Variants in SPATA17 observed in about 807,000 individuals in gnomAD.
SPATA17 encodes spermatogenesis associated 17, also known as spermatogenesis-associated protein 17.
In SPATA17, 53 loss-of-function variants were observed where a neutral mutation model predicts 62.2. The ratio of observed to expected loss-of-function variants is 0.85; its 90% CI spans 0.68 to 1.07. The LOEUF is 1.07. Ranked by LOEUF, SPATA17 falls within the 50% of genes least tolerant of loss-of-function variation. SPATA17 has a pLI of 0.00. For missense variants in SPATA17, 466 were observed against 425.5 expected (o/e 1.10, Z -0.84); for synonymous variants, 146 against 146.8 (o/e 0.99, Z 0.04).
chr1:217,700,760 T>G (rs1036262058), intron 5 of SPATA17, among the ~76,000 whole-genome samples: 2 of 87,484 alleles, frequency 2.3e-5, no homozygotes, highest in African/African-American at 8.9e-5. Flanking sequence ...TTTTTTCTTT[T>G]TCTTTTTTTT....
At chr1:217,723,025 G>A (rs1052820633) in intron 5 of SPATA17, among the ~76,000 whole-genome samples, 18 of 152,208 alleles carry the variant, frequency 1.2e-4, no homozygotes, top group African/African-American at 3.9e-4. Flanking sequence ...TCTGGAGTAG[G>A]GAGGCCCAGA....
At chr1:217,634,871 T>C (rs1265471714) in intron 1 of SPATA17, among the ~76,000 whole-genome samples, 1 of 151,542 alleles carries the variant, frequency 6.6e-6, no homozygotes, top group African/African-American at 2.4e-5. Context: ...GGCAGTTCCA[T>C]TGTCACTTGA....
intron 6 of SPATA17, among the ~76,000 whole-genome samples, chr1:217,768,544 T>C (rs967378680): frequency 6.6e-6 from 1 of 151,602 alleles, no homozygotes; most frequent in Non-Finnish European, 1.5e-5. Flanking sequence ...TGGGCTGTAG[T>C]GCAATGGCGT....
chr1:217,709,598 G>A lies in SPATA17; in HGVS notation c.395+26237G>A, dbSNP rs139838082. Among the ~76,000 whole-genome samples, 4 of 152,212 alleles carry A rather than the reference G, an allele frequency of 2.6e-5. No homozygotes were observed. In the East Asian group the frequency reaches 5.8e-4, roughly 22 times the overall value. On this transcript the variant is annotated intron_variant, in intron 5 of 10. Coordinates refer to ENST00000366933, the MANE Select transcript of SPATA17 (RefSeq NM_138796.4). ...CAAAAATCAGAAGTGACATCCCATC[G>A]CTTTTGCTATTCTGTTCATTTAAAG...
At chr1:217,668,531 T>C (rs751357542) in intron 3 of SPATA17, among the ~76,000 whole-genome samples, 1 of 152,170 alleles carries the variant, frequency 6.6e-6, no homozygotes, top group African/African-American at 2.4e-5. Flanking sequence ...ACATTTTGCA[T>C]AGATGGTTGG....
intron 5 of SPATA17, among the ~76,000 whole-genome samples, chr1:217,701,296 T>C (rs1040693269): frequency 2.6e-5 from 4 of 151,666 alleles, no homozygotes; most frequent in African/African-American, 9.7e-5. Context: ...GATATGTGTG[T>C]GTATATGTGT....
intron 6 of SPATA17, among the ~76,000 whole-genome samples, chr1:217,746,307 T>A (rs1222043920): frequency 6.6e-6 from 1 of 151,976 alleles, no homozygotes; most frequent in Non-Finnish European, 1.5e-5. Flanking sequence ...TTAAAAGGAA[T>A]AAATCTAATA....
chr1:217,813,757 A>G (rs1674650307), intron 9 of SPATA17, among the ~76,000 whole-genome samples: 1 of 152,056 alleles, frequency 6.6e-6, no homozygotes, highest in South Asian at 2.1e-4. Flanking sequence ...AGGCTTCAGG[A>G]AAAGTATAAA....
intron 1 of SPATA17, among the ~76,000 whole-genome samples, chr1:217,635,536 G>A (rs908363891): frequency 9.2e-5 from 14 of 151,638 alleles, no homozygotes; most frequent in East Asian, 3.9e-4. Context: ...AAACCCTGTC[G>A]CTACTAAAAA....
At chr1:217,633,977 C>T (rs1669881364) in intron 1 of SPATA17, among the ~76,000 whole-genome samples, 1 of 152,144 alleles carries the variant, frequency 6.6e-6, no homozygotes, top group South Asian at 2.1e-4. Flanking sequence ...GCAGCAAATA[C>T]AGGAGGAGAT....
At chr1:217,685,365 TATTTCCAGTA>T (rs1315882141) in intron 5 of SPATA17, among the ~76,000 whole-genome samples, 1 of 152,212 alleles carries the variant, frequency 6.6e-6, no homozygotes, top group African/African-American at 2.4e-5. Flanking sequence ...ATTTGACAGA[TATTTCCAGTA>T]ATTCTTATTT....
At chr1:217,648,400 G>A (rs1571703421) in intron 1 of SPATA17, among the ~76,000 whole-genome samples, 1 of 152,192 alleles carries the variant, frequency 6.6e-6, no homozygotes, top group East Asian at 1.9e-4. Context: ...GACTTTCTGA[G>A]AATTCTAGCT....
At chr1:217,847,195 A>T (rs960198508) in intron 9 of SPATA17, among the ~76,000 whole-genome samples, 4 of 151,962 alleles carry the variant, frequency 2.6e-5, no homozygotes, top group African/African-American at 9.7e-5. Context: ...TAATATATTA[A>T]TATTAAGACT....
intron 6 of SPATA17, among the ~76,000 whole-genome samples, chr1:217,746,641 G>T (rs1249862787): frequency 2.0e-5 from 3 of 151,688 alleles, no homozygotes; most frequent in African/African-American, 7.2e-5. Context: ...TTTAAAGTCA[G>T]GTTTAAGCCT....
intron 10 of SPATA17, 39 bp downstream of exon 10, chr1:217,862,895 T>G (rs6658846): frequency 0.31 from 416,681 of 1,340,014 alleles, 67,746 homozygotes; most frequent in Admixed American, 0.41. Context: ...AAAAGTATAT[T>G]AAATAACACT....
intron 6 of SPATA17, among the ~76,000 whole-genome samples, chr1:217,760,676 A>G (rs1449093021): frequency 6.6e-6 from 1 of 152,240 alleles, no homozygotes; most frequent in Non-Finnish European, 1.5e-5. Context: ...AATAAAGTTT[A>G]ACAAATGCCC....
Position 217,800,247 on chromosome 1 carries a change from C to G in SPATA17, c.873-1471C>G, listed in dbSNP as rs561144735. On this transcript the variant is annotated intron_variant, in intron 8 of 10. Transcript: ENST00000366933. ...GCTTTTTGATAGATTTTATTATACT[C>G]TGATACAGCTTTTTAATCAAAACAT... Among the ~76,000 whole-genome samples the G allele has an allele frequency of 5.4e-5, 8 of 148,234 alleles. No homozygotes were observed. In the East Asian group the frequency reaches 1.7e-3, roughly 32 times the overall value.
At chr1:217,656,046 G>T (rs571087880) in intron 3 of SPATA17, among the ~76,000 whole-genome samples, 1 of 151,974 alleles carries the variant, frequency 6.6e-6, no homozygotes, top group Non-Finnish European at 1.5e-5. Flanking sequence ...CCCACGCCCG[G>T]CTAGTTTTTG....
rs79262464 is a variant in SPATA17, at chr1:217,777,308, A to C, written c.723+2771A>C. Among the ~76,000 whole-genome samples the C allele has an allele frequency of 4.1e-3, 623 of 152,314 alleles. 4 individuals are homozygous for C. The highest frequency in any genetic ancestry group is 5.5e-3 in the Non-Finnish European group (372 of 68,022). ...TTTATACTGTCTTAGAGAAAGAGCT[A>C]TAAAATATAATTGAAAATCTATAGT... On this transcript the variant is annotated intron_variant, in intron 7 of 10. Coordinates refer to ENST00000366933, the MANE Select transcript of SPATA17 (RefSeq NM_138796.4).
Sources: allele counts gnomAD v4.1 joint callset (sites outside exome capture counted in the v4.1 genomes callset), GRCh38; gene constraint gnomAD v4.1.1; transcripts MANE v1.5; gene names NCBI Gene and HGNC (gene_info 2026-07-23, HGNC 2026-07-21).